DNAI3: variants seen among roughly 807,000 people sequenced by gnomAD.
DNAI3 encodes WD repeat domain 63.
DNAI3 carries 83 observed loss-of-function variants against 115.5 expected under a neutral mutation model. That is an observed-to-expected ratio of 0.72 (90% CI 0.60 to 0.86). The LOEUF is 0.86. DNAI3 is among the 40% of genes least tolerant of loss of function. DNAI3 has a pLI of 0.00. For synonymous variants in DNAI3, 320 were observed against 347.0 expected (o/e 0.92, Z 0.86); for missense variants, 1,004 against 1,075.8 (o/e 0.93, Z 0.93).
chr1:85,075,369 G>A (rs754975649), intron 3 of DNAI3, among the ~76,000 whole-genome samples: 10 of 152,294 alleles, frequency 6.6e-5, no homozygotes, highest in Non-Finnish European at 1.3e-4. Flanking sequence ...AGTTTGAGAT[G>A]TATTCATTGA....
chr1:85,098,008 TG>T (rs1197073703), intron 12 of DNAI3, among the ~76,000 whole-genome samples: 1 of 152,198 alleles, frequency 6.6e-6, no homozygotes, highest in African/African-American at 2.4e-5. Context: ...CGTAGTCCTG[TG>T]AGTTTGGACA....
At chr1:85,076,946 C>T (rs1256879300) in intron 3 of DNAI3, among the ~76,000 whole-genome samples, 1 of 152,148 alleles carries the variant, frequency 6.6e-6, no homozygotes, top group Non-Finnish European at 1.5e-5. Flanking sequence ...ATGACTTCAC[C>T]TTCCTGAGCC....
chr1:85,084,678 A>G lies in DNAI3; in HGVS notation c.523A>G (p.Thr175Ala), dbSNP rs141934693. 2 of 1,533,096 alleles carry G rather than the reference A, an allele frequency of 1.3e-6. No individual in the cohort carries two copies. Among genetic ancestry groups the G allele is most frequent in the African/African-American group, 1.4e-5 (1 of 71,220 alleles). The allele number at this position is 1,533,096 out of a possible 1,614,324, so 95.0% of individuals were successfully genotyped here. A position where few individuals can be genotyped will look rare whatever the true frequency, so the allele number is the denominator to read the frequency against. Residue 175 changes from threonine (T) to alanine (A), a missense_variant, in exon 6 of 23, where the codon ACG (threonine) becomes GCG (alanine). Physicochemically the swap from Thr to Ala is moderately conservative, Grantham distance 58. Coordinates refer to ENST00000294664, the MANE Select transcript of DNAI3 (RefSeq NM_145172.5). ...AAAAGAAATTGAGGAAGAATCAGTT[A>G]CGGAATCTACAAAGCAGGTTAGAGG... The part of the protein sequence containing the change: ...SEKEIEEESV[T>A]ESTKQITYMI...
chr1:85,081,724 T>C (rs1237566050), intron 4 of DNAI3, among the ~76,000 whole-genome samples: 1 of 152,194 alleles, frequency 6.6e-6, no homozygotes, highest in African/African-American at 2.4e-5. Flanking sequence ...CATGGCGCAC[T>C]GCAACCTCCG....
chr1:85,114,973 C>A (rs1285316533), intron 16 of DNAI3, among the ~76,000 whole-genome samples: 1 of 152,210 alleles, frequency 6.6e-6, no homozygotes, highest in Non-Finnish European at 1.5e-5. Context: ...AACCCTTGCT[C>A]TAAATGCTTT....
chr1:85,133,129 T>C lies in DNAI3; in HGVS notation c.*131T>C. ...TTTTATTTCCCTGCTATTAAAACTTTTGAATTTTAGCAATGAGATCTATTT... is the reference window on the plus strand; with the variant it reads ...TTTTATTTCCCTGCTATTAAAACTTCTGAATTTTAGCAATGAGATCTATTT... On this transcript the variant is annotated 3_prime_UTR_variant, in exon 23 of 23. Coordinates refer to ENST00000294664, the MANE Select transcript of DNAI3 (RefSeq NM_145172.5). The C allele has an allele frequency of 8.9e-7, 1 of 1,123,004 alleles. No homozygotes were observed. Among genetic ancestry groups the C allele is most frequent in the Non-Finnish European group, 1.2e-6 (1 of 845,026 alleles). 69.6% of individuals were successfully genotyped at this position (1,123,004 alleles called of 1,614,324 possible). A position where few individuals can be genotyped will look rare whatever the true frequency, so the allele number is the denominator to read the frequency against.
intron 15 of DNAI3, among the ~76,000 whole-genome samples, chr1:85,109,427 A>G (rs1046130198): frequency 2.0e-5 from 3 of 152,236 alleles, no homozygotes; most frequent in African/African-American, 7.2e-5. Flanking sequence ...GACTGGGGGT[A>G]GGATCTACTG....
intron 9 of DNAI3, 166 bp from the exon 10 acceptor site, chr1:85,094,265 C>A: frequency 1.2e-6 from 1 of 819,826 alleles, no homozygotes; most frequent in Non-Finnish European, 1.9e-6. Flanking sequence ...AAATAAGTAG[C>A]ATGTAACTAG....
intron 1 of DNAI3, among the ~76,000 whole-genome samples, chr1:85,071,633 C>T (rs1654277343): frequency 1.3e-5 from 2 of 152,146 alleles, no homozygotes. Flanking sequence ...GAAGCCAAGT[C>T]CTCTGTCGTG....
chr1:85,097,668 C>A lies in DNAI3; in HGVS notation c.1350+13C>A, dbSNP rs768294730. 9 of 1,597,734 alleles carry A rather than the reference C, an allele frequency of 5.6e-6. No homozygotes were observed. The Admixed American group carries it at 1.4e-4, about 25-fold the overall frequency. On this transcript the variant is annotated intron_variant, in intron 12 of 22. Coordinates refer to ENST00000294664, the MANE Select transcript of DNAI3 (RefSeq NM_145172.5). The stretch of plus-strand genomic sequence containing the variant: ...AGCCACACTGAAGGTAAGCTTTTTA[C>A]AACATTTCACTTGCAAGTTTTTTCC...
chr1:85,116,866 G>A (rs2050842), intron 16 of DNAI3, among the ~76,000 whole-genome samples: 88,824 of 152,100 alleles, frequency 0.58, 26,055 homozygotes, highest in Admixed American at 0.65. Flanking sequence ...AAAACAAAGA[G>A]AGTATTGGTT....
Position 85,085,938 on chromosome 1 carries a change from C to A in DNAI3, c.648C>A (p.Tyr216Ter). 1 of 1,614,100 alleles carries A rather than the reference C, an allele frequency of 6.2e-7. No individual in the cohort carries two copies. Among genetic ancestry groups the A allele is most frequent in the Non-Finnish European group, 8.5e-7 (1 of 1,180,004 alleles). The change falls in exon 7 of 23, where the codon TAC (tyrosine) becomes TAA (stop). Residue 216 changes from tyrosine (Y) to a stop codon, truncating the protein, a stop_gained. Coordinates refer to ENST00000294664, the MANE Select transcript of DNAI3 (RefSeq NM_145172.5). LOFTEE classifies it high-confidence loss of function. ...VKDAYIECTA[Y>*]PDKNFTLKQL... Reference sequence around the variant, plus strand: ...ATGCCTATATTGAATGTACAGCCTACCCAGATAAAAATTTTACCCTTAAAC... The same window carrying A: ...ATGCCTATATTGAATGTACAGCCTAACCAGATAAAAATTTTACCCTTAAAC...
At chr1:85,090,057 C>T in intron 7 of DNAI3, 59 bp from the exon 8 acceptor site, 1 of 782,548 alleles carries the variant, frequency 1.3e-6, no homozygotes, top group South Asian at 2.8e-5. Context: ...CCTGTTGTGG[C>T]CCATATTTGC....
chr1:85,115,705 G>A (rs1426412938), intron 16 of DNAI3, among the ~76,000 whole-genome samples: 1 of 151,120 alleles, frequency 6.6e-6, no homozygotes, highest in African/African-American at 2.4e-5. Flanking sequence ...GTGGCAGGGG[G>A]AGGTGGGGGC....
intron 1 of DNAI3, among the ~76,000 whole-genome samples, chr1:85,066,422 G>A (rs1654100165): frequency 7.1e-6 from 1 of 141,006 alleles, no homozygotes; most frequent in African/African-American, 2.7e-5. Flanking sequence ...TGCCTCCTGA[G>A]TTCACACCAT....
chr1:85,093,555 G>T lies in DNAI3; in HGVS notation c.955G>T (p.Asp319Tyr). The T allele has an allele frequency of 1.2e-6, 2 of 1,614,098 alleles. No individual in the cohort carries two copies. Among genetic ancestry groups the T allele is most frequent in the Non-Finnish European group, 1.7e-6 (2 of 1,180,020 alleles). The change falls in exon 9 of 23, where the codon GAT becomes TAT. Residue 319 changes from aspartate to tyrosine, a missense_variant. By Grantham distance (160) the Asp-to-Tyr change is radical. Transcript: ENST00000294664. ...EEEGTFGDKT[D>Y]THLKEYQSFT... ...AGAAGGCACCTTTGGGGACAAGACC[G>T]ATACCCACCTGAAAGAGTACCAGTC...
chr1:85,130,275 G>C (rs1248625402), intron 22 of DNAI3, 163 bp downstream of exon 22: 6 of 1,021,416 alleles, frequency 5.9e-6, no homozygotes, highest in Admixed American at 2.8e-5. Flanking sequence ...CTAGCTCACT[G>C]CCAGTTAGAC....
At chr1:85,064,583 T>C (rs1480135571) in intron 1 of DNAI3, among the ~76,000 whole-genome samples, 1 of 151,746 alleles carries the variant, frequency 6.6e-6, no homozygotes, top group African/African-American at 2.4e-5. Flanking sequence ...TAAATCAATG[T>C]TTGTTTGTTT....
At chr1:85,122,969 G>C (rs1414590761) in intron 18 of DNAI3, among the ~76,000 whole-genome samples, 1 of 152,122 alleles carries the variant, frequency 6.6e-6, no homozygotes, top group African/African-American at 2.4e-5. Context: ...AAGACCCTGG[G>C]ACCTGGGGCA....
Sources: allele counts gnomAD v4.1 joint callset (sites outside exome capture counted in the v4.1 genomes callset), GRCh38; gene constraint gnomAD v4.1.1; transcripts MANE v1.5; gene names NCBI Gene and HGNC (gene_info 2026-07-23, HGNC 2026-07-21).